The following EHMT1 variants were observed in gnomAD, a reference collection of about 807,000 sequenced individuals.
EHMT1 encodes the protein histone-lysine N-methyltransferase EHMT1.
Under a neutral mutation model 147.2 loss-of-function variants are expected in EHMT1, and 15 were observed. The observed-to-expected ratio is 0.10, with a 90% CI of 0.07 to 0.16. EHMT1 has a LOEUF of 0.16. EHMT1 is among the 10% of genes least tolerant of loss of function. The pLI is 1.00. For missense variants in EHMT1, 1,587 were observed against 1,772.4 expected (o/e 0.90, Z 1.88); for synonymous variants, 795 against 709.6 (o/e 1.12, Z -1.91).
rs1463263842 is a variant in EHMT1, at chr9:137,745,851, G to A, written c.1170+1761G>A. ...TCCTTCCACCTGCAGAGACCTGAGGGGTGTGGTTTCCTCACCTTCCCCAGC... is the reference window on the plus strand; with the variant it reads ...TCCTTCCACCTGCAGAGACCTGAGGAGTGTGGTTTCCTCACCTTCCCCAGC... On this transcript the variant is annotated intron_variant, in intron 6 of 26. Transcript: ENST00000460843. 1.8e-5 allele frequency: 5 copies of A among 276,628 alleles called. No homozygotes were observed. The Admixed American group carries it at 2.6e-4, about 15-fold the overall frequency. 17.1% of individuals were successfully genotyped at this position (276,628 alleles called of 1,614,324 possible).
chr9:137,644,605 C>T (rs149733981), intron 1 of EHMT1, among the ~76,000 whole-genome samples: 6,170 of 152,078 alleles, frequency 0.041, 166 homozygotes, highest in Middle Eastern at 0.092. Context: ...GGATTACAGG[C>T]GTGAGCCACC....
intron 13 of EHMT1, among the ~76,000 whole-genome samples, chr9:137,778,290 G>C (rs989756118): frequency 6.6e-6 from 1 of 152,232 alleles, no homozygotes; most frequent in African/African-American, 2.4e-5. Context: ...GGCAGGTCTT[G>C]GTGAGCTTTG....
chr9:137,769,450 T>G (rs1950456272), intron 10 of EHMT1, among the ~76,000 whole-genome samples: 1 of 152,218 alleles, frequency 6.6e-6, no homozygotes. Context: ...CAGCTTTTGT[T>G]TGTTTGAAAA....
intron 25 of EHMT1, among the ~76,000 whole-genome samples, chr9:137,832,367 C>G (rs577742358): frequency 7.9e-6 from 1 of 126,620 alleles, no homozygotes; most frequent in South Asian, 2.9e-4. Flanking sequence ...ACCTCGCTCC[C>G]GTCCTAGAAT....
chr9:137,636,896 CTTTTTTT>C (rs35700929), intron 1 of EHMT1, among the ~76,000 whole-genome samples: 5 of 120,982 alleles, frequency 4.1e-5, no homozygotes, highest in African/African-American at 6.2e-5. Context: ...CAGTTTCACT[CTTTTTTT>C]TTTTTTTTTT....
At chr9:137,806,268 C>G (rs979175364) in intron 18 of EHMT1, among the ~76,000 whole-genome samples, 1 of 151,260 alleles carries the variant, frequency 6.6e-6, no homozygotes, top group Non-Finnish European at 1.5e-5. Flanking sequence ...GCCGAGTGGT[C>G]TGTTTGAAAG....
chr9:137,712,631 T>A (rs1444798037), intron 2 of EHMT1, among the ~76,000 whole-genome samples: 2 of 152,204 alleles, frequency 1.3e-5, no homozygotes, highest in African/African-American at 2.4e-5. Context: ...TGGATTGATT[T>A]TTATTGTTGA....
At chr9:137,680,642 T>C (rs965406220) in intron 1 of EHMT1, among the ~76,000 whole-genome samples, 2 of 152,236 alleles carry the variant, frequency 1.3e-5, no homozygotes, top group African/African-American at 2.4e-5. Flanking sequence ...TCCTGCACCA[T>C]GTTTTCTTAG....
At chr9:137,690,422 T>C (rs1589271058) in intron 1 of EHMT1, among the ~76,000 whole-genome samples, 1 of 150,914 alleles carries the variant, frequency 6.6e-6, no homozygotes, top group Admixed American at 6.6e-5. Context: ...AGTGGGAAGA[T>C]TGCTTGAGCC....
chr9:137,811,503 G>A lies in EHMT1; in HGVS notation c.2755G>A (p.Val919Met), dbSNP rs749976725. ...GCACTGGGCGGCGTTCTCCGGCTGC[G>A]TGGACATAGCCGAGATCCTGCTGGC... Reference protein sequence around the residue: ...CLHWAAFSGCVDIAEILLAAK... With the variant: ...CLHWAAFSGCMDIAEILLAAK... Residue 919 changes from valine to methionine, a missense_variant, in exon 19 of 27, where the codon GTG (valine) becomes ATG (methionine). Physicochemically the swap from Val to Met is conservative, Grantham distance 21 (BLOSUM62 1). Transcript: ENST00000460843. The A allele has an allele frequency of 5.6e-6, 9 of 1,612,014 alleles. No homozygotes were observed. The highest frequency in any genetic ancestry group is 3.3e-5 in the South Asian group (3 of 91,094).
chr9:137,732,157 C>G lies in EHMT1; in HGVS notation c.823+3628C>G, dbSNP rs1218874367. The stretch of plus-strand genomic sequence containing the variant: ...GGCTCCACTGCTGCTTGCCATCACA[C>G]GGGGCAGCCGCCGACACCAGCGGAG... On this transcript the variant is annotated intron_variant, in intron 4 of 26. Transcript: ENST00000460843. The surrounding 1 kb of genome is among the most constrained non-coding windows in gnomAD (Gnocchi z 4.6). Among the ~76,000 whole-genome samples, 1 of 152,210 alleles carries G rather than the reference C, an allele frequency of 6.6e-6. No homozygotes were observed. The highest frequency in any genetic ancestry group is 2.1e-4 in the South Asian group (1 of 4,830).
intron 1 of EHMT1, among the ~76,000 whole-genome samples, chr9:137,695,995 C>A (rs935523307): frequency 6.6e-6 from 1 of 152,168 alleles, no homozygotes; most frequent in Non-Finnish European, 1.5e-5. Context: ...TGCAGAGAGG[C>A]TCAATCAAGG....
intron 1 of EHMT1, among the ~76,000 whole-genome samples, chr9:137,621,438 T>A (rs748636511): frequency 8.5e-5 from 13 of 152,198 alleles, no homozygotes; most frequent in Non-Finnish European, 1.3e-4. Context: ...GGCTCATGCC[T>A]GTAATCCTAG....
chr9:137,621,247 A>AG (rs1842927003), intron 1 of EHMT1, among the ~76,000 whole-genome samples: 1 of 152,220 alleles, frequency 6.6e-6, no homozygotes, highest in South Asian at 2.1e-4. Context: ...GACAGTAGGT[A>AG]GGCATGTGAT....
chr9:137,711,018 C>T lies in EHMT1; in HGVS notation c.73C>T (p.Leu25=). The change falls in exon 2 of 27, where the codon CTG becomes TTG. Residue 25 remains leucine (L), a synonymous_variant. Coordinates refer to ENST00000460843, the MANE Select transcript of EHMT1 (RefSeq NM_024757.5). ...PQQDCCVKTE[L]LGEETPMAAD... ...GCAGGATTGCTGTGTGAAAACCGAG[C>T]TGCTGGGAGAAGGTGAGGGCGGTGT... 1 of 1,594,406 alleles carries T rather than the reference C, an allele frequency of 6.3e-7. No homozygotes were observed. Among genetic ancestry groups the T allele is most frequent in the Non-Finnish European group, 8.5e-7 (1 of 1,171,134 alleles).
intron 18 of EHMT1, chr9:137,803,188 G>A: frequency 1.7e-6 from 2 of 1,204,890 alleles, no homozygotes; most frequent in Non-Finnish European, 2.1e-6. Flanking sequence ...TTTCAAGTTT[G>A]TTATTTATAC....
chr9:137,715,167 G>A (rs1335310364), intron 2 of EHMT1, among the ~76,000 whole-genome samples: 1 of 152,210 alleles, frequency 6.6e-6, no homozygotes, highest in African/African-American at 2.4e-5. Flanking sequence ...GGTGGGAACA[G>A]TTTGACCCTC....
chr9:137,797,925 A>G (rs997936746), intron 16 of EHMT1, among the ~76,000 whole-genome samples: 30 of 152,228 alleles, frequency 2.0e-4, no homozygotes, highest in African/African-American at 7.2e-4. Context: ...AGGCGTGTGG[A>G]TGGCACAGCG....
intron 23 of EHMT1, chr9:137,817,118 T>G: frequency 2.4e-6 from 1 of 421,186 alleles, no homozygotes; most frequent in Non-Finnish European, 4.5e-6. Flanking sequence ...TTCTCTAGTA[T>G]TAGCACCTCT....
Sources: gnomAD v4.1 joint callset for allele counts (sites outside exome capture counted in the v4.1 genomes callset) on GRCh38, gnomAD v4.1.1 for gene constraint, Gnocchi (gnomAD v3.1) non-coding constraint, MANE v1.5 for transcripts, NCBI Gene and HGNC (gene_info 2026-07-23, HGNC 2026-07-21) for gene names.